Variants in SIGLEC1 observed in about 807,000 individuals in gnomAD.
SIGLEC1 encodes sialoadhesin.
Under a neutral mutation model 148.0 loss-of-function variants are expected in SIGLEC1, and 132 were observed. That is an observed-to-expected ratio of 0.89 (90% CI 0.77 to 1.03). The LOEUF (loss-of-function observed/expected upper bound fraction) is 1.03. SIGLEC1 is among the 50% of genes least tolerant of loss of function. The pLI is 0.00. For synonymous variants in SIGLEC1, 945 were observed against 969.0 expected, an observed-to-expected ratio of 0.98 and a Z score of 0.46; for missense variants, 2,253 against 2,271.4, an observed-to-expected ratio of 0.99 and a Z score of 0.16.
intron 18 of SIGLEC1, among the ~76,000 whole-genome samples, chr20:3,690,481 CTTG>C (rs2088747747): frequency 6.6e-6 from 1 of 152,262 alleles, no homozygotes; most frequent in South Asian, 2.1e-4. Context: ...TTCTGCTCTA[CTTG>C]TTGGAACACA....
intron 10 of SIGLEC1, 65 bp downstream of exon 10, chr20:3,697,020 C>T: frequency 1.3e-6 from 2 of 1,577,322 alleles, no homozygotes; most frequent in Non-Finnish European, 1.7e-6. Context: ...CAGCCCGGCC[C>T]CTGCTTCTCC....
At chr20:3,689,132 G>A (rs754870555) in intron 21 of SIGLEC1, 23 bp downstream of exon 21, 1 of 1,600,068 alleles carries the variant, frequency 6.2e-7, no homozygotes, top group African/African-American at 1.3e-5. Flanking sequence ...TATTATATCT[G>A]CCCGTGTGTG....
At position 3,693,489 on chromosome 20, in the gene SIGLEC1, G is replaced by A. The variant is rs768807544; in HGVS notation, c.3466C>T (p.Arg1156Trp). 5.6e-6 allele frequency: 9 copies of A among 1,603,528 alleles called. No individual in the cohort carries two copies. Among genetic ancestry groups the A allele is most frequent in the East Asian group, 2.2e-5 (1 of 44,760 alleles). The change falls in exon 14 of 22, where the codon CGG (arginine) becomes TGG (tryptophan). Residue 1156 changes from arginine to tryptophan, a missense_variant. Physicochemically the swap from Arg to Trp is moderately radical, Grantham distance 101. Coordinates refer to ENST00000344754, the MANE Select transcript of SIGLEC1 (RefSeq NM_023068.4). ...ATAGGTCTGGAGAGGCGGGGTGCCC[G>A]ACCAGGGGGGCCCACACCGCAGCGG... ...SYRCGVGPPG[R>W]APRLSRPITL...
At chr20:3,704,339 A>G (rs8125300) in intron 4 of SIGLEC1, among the ~76,000 whole-genome samples, 6,600 of 151,964 alleles carry the variant, frequency 0.043, 473 homozygotes, top group African/African-American at 0.15. Flanking sequence ...CGTCCAGCCT[A>G]CCCCACCAGC....
chr20:3,688,966 A>G (rs533957437), intron 21 of SIGLEC1, 189 bp downstream of exon 21: 20 of 626,666 alleles, frequency 3.2e-5, no homozygotes, highest in Admixed American at 1.1e-4. Flanking sequence ...CAGCTGACAC[A>G]GGGATTCCCT....
intron 21 of SIGLEC1, 147 bp downstream of exon 21, chr20:3,689,008 C>A: frequency 1.3e-6 from 1 of 745,172 alleles, no homozygotes; most frequent in Non-Finnish European, 2.4e-6. Flanking sequence ...TCTCCTATCT[C>A]CTGAGGGGCT....
chr20:3,692,484 C>T, intron 16 of SIGLEC1, 37 bp downstream of exon 16: 1 of 1,548,952 alleles, frequency 6.5e-7, no homozygotes, highest in Non-Finnish European at 8.7e-7. Context: ...CCACCACCCT[C>T]CTCCTGGGCA....
rs745748755 is a variant in SIGLEC1, at chr20:3,706,461, T to C, written c.295A>G (p.Asn99Asp). Residue 99 changes from asparagine (N) to aspartate (D), a missense_variant, in exon 3 of 22, where the codon AAC becomes GAC. Coordinates refer to ENST00000344754, the MANE Select transcript of SIGLEC1 (RefSeq NM_023068.4). The part of the protein sequence containing the change: ...FMGNPEHRVC[N>D]LLLKDLQPED... ...GGCTGCAGGTCCTTCAGCAGCAGGT[T>C]GCACACCCTGTGCTCGGGGTTCCCC... 6.2e-7 allele frequency: 1 copy of C among 1,614,044 alleles called. No homozygotes were observed. The highest frequency in any genetic ancestry group is 8.5e-7 in the Non-Finnish European group (1 of 1,180,020).
Position 3,692,965 on chromosome 20 carries a change from G to A in SIGLEC1, c.3675C>T (p.Arg1225=). 6.2e-7 allele frequency: 1 copy of A among 1,612,656 alleles called. No homozygotes were observed. Among genetic ancestry groups the A allele is most frequent in the South Asian group, 1.1e-5 (1 of 91,080 alleles). Residue 1225 remains arginine, a synonymous_variant, in exon 15 of 22, where the codon CGC becomes CGT. Coordinates refer to ENST00000344754, the MANE Select transcript of SIGLEC1 (RefSeq NM_023068.4). ...TGGGCTGTGGCCCTCGCAGCTCCAG[G>A]CGCAGGGTGTTGGGGACAGAGGCTG... The part of the protein sequence containing the change: ...STAASVPNTL[R]LELRGPQPRD...
At position 3,699,235 on chromosome 20, in the gene SIGLEC1, C is replaced by G; in HGVS notation, c.1753G>C (p.Gly585Arg). Residue 585 changes from glycine (G) to arginine (R), a missense_variant, in exon 8 of 22, where the codon GGC becomes CGC. Gly to Arg is a moderately radical substitution (Grantham distance 125, BLOSUM62 -2). Transcript: ENST00000344754. ...CRARDGHSASGPSSPAVLTVL... is the reference protein window; with the variant it reads ...CRARDGHSASRPSSPAVLTVL... ...GTGAGAACAGCTGGCGAAGAGGGGCCACTGGCACTGTGGCCGTCCCGGGCC... is the reference window on the plus strand; with the variant it reads ...GTGAGAACAGCTGGCGAAGAGGGGCGACTGGCACTGTGGCCGTCCCGGGCC... The G allele has an allele frequency of 3.1e-6, 5 of 1,610,650 alleles. No homozygotes were observed.
In SIGLEC1 at chr20:3,703,217, G is replaced by C; in HGVS notation, c.1208C>G (p.Pro403Arg). The C allele has an allele frequency of 6.2e-7, 1 of 1,614,068 alleles. No homozygotes were observed. Among genetic ancestry groups the C allele is most frequent in the Non-Finnish European group, 8.5e-7 (1 of 1,180,000 alleles). ...CTTACGGTTGACTACCACGCTGACAGGGCCCGAGCGCTCGCTGCCATGGAC... is the reference window on the plus strand; with the variant it reads ...CTTACGGTTGACTACCACGCTGACACGGCCCGAGCGCTCGCTGCCATGGAC... ...QNVHGSERSG[P>R]VSVVVNHPPL... The change falls in exon 6 of 22, where the codon CCT (proline) becomes CGT (arginine). Residue 403 changes from proline (P) to arginine (R), a missense_variant. By Grantham distance (103) the Pro-to-Arg change is moderately radical. Transcript: ENST00000344754.
Position 3,697,247 on chromosome 20 carries a change from C to CAGGGCT in SIGLEC1, c.2212_2217dup (p.Ser738_Pro739dup). The stretch of plus-strand genomic sequence containing the variant: ...CCATTTCGGAACCAGGAGAAGTTAG[C>CAGGGCT]AGGGCTGCCAGCAGCTTCCCGGCTC... On this transcript the variant is annotated inframe_insertion, in exon 10 of 22. Transcript: ENST00000344754. The CAGGGCT allele has an allele frequency of 6.2e-7, 1 of 1,614,000 alleles. No individual in the cohort carries two copies. The highest frequency in any genetic ancestry group is 8.5e-7 in the Non-Finnish European group (1 of 1,180,044).
chr20:3,694,360 G>A lies in SIGLEC1; in HGVS notation c.3117C>T (p.Pro1039=). The A allele has an allele frequency of 1.2e-6, 2 of 1,613,270 alleles. No homozygotes were observed. The highest frequency in any genetic ancestry group is 1.7e-6 in the Non-Finnish European group (2 of 1,179,964). Residue 1039 remains proline (P), a synonymous_variant, in exon 13 of 22, where the codon CCC becomes CCT. Transcript: ENST00000344754. ...TGGGGGCCACAGCCACATGCAGCCTGGGAGAGCTGCCTTCGGGTCCCCCCA... is the reference window on the plus strand; with the variant it reads ...TGGGGGCCACAGCCACATGCAGCCTAGGAGAGCTGCCTTCGGGTCCCCCCA... The part of the protein sequence containing the change: ...QGVGGPEGSS[P]RLHVAVAPNT...
At position 3,692,153 on chromosome 20, in the gene SIGLEC1, TCTGGCC is replaced by T. The variant is rs1471034829; in HGVS notation, c.4074_4079del (p.Ala1359_Arg1360del). ...CAGTGCACTGTATCACAGCCATGGA[TCTGGCC>T]CTGGAGTCCCGGAAGGAGGACAGGA... On this transcript the variant is annotated inframe_deletion, in exon 17 of 22. Transcript: ENST00000344754. 7 of 1,586,338 alleles carry T rather than the reference TCTGGCC, an allele frequency of 4.4e-6. No homozygotes were observed. The African/African-American group carries it at 9.4e-5, about 21-fold the overall frequency.
At chr20:3,698,873 G>T (rs2087826487) in intron 8 of SIGLEC1, among the ~76,000 whole-genome samples, 1 of 152,326 alleles carries the variant, frequency 6.6e-6, no homozygotes, top group Middle Eastern at 3.4e-3. Context: ...CACAGCCTGT[G>T]GGGCATGTGC....
chr20:3,691,507 C>T lies in SIGLEC1; in HGVS notation c.4424G>A (p.Gly1475Asp), dbSNP rs749616555. 3.7e-6 allele frequency: 6 copies of T among 1,613,222 alleles called. No individual in the cohort carries two copies. Among genetic ancestry groups the T allele is most frequent in the Non-Finnish European group, 3.4e-6 (4 of 1,180,006 alleles). Residue 1475 changes from glycine to aspartate, a missense_variant, in exon 18 of 22, where the codon GGC becomes GAC. Transcript: ENST00000344754. ...CCAGAACCATGCAAAGGTGGAGTTG[C>T]CCACAGGCCCAGGGCCACCCAGGAG... ...CRLLGGPGPV[G>D]NSTFAWFWND... is the part of the protein sequence containing the mutation.
In SIGLEC1 at chr20:3,696,734, T is replaced by C; in HGVS notation, c.2535A>G (p.Pro845=). Reference sequence around the variant, plus strand: ...CTTTAGCCTGGAACCGACCATGGGATGGGACCTGGGGACCCAGGCTGGTGG... The same window carrying C: ...CTTTAGCCTGGAACCGACCATGGGACGGGACCTGGGGACCCAGGCTGGTGG... The part of the protein sequence containing the change: ...LLATSLGPQV[P]SHGRFQAKAE... The change falls in exon 11 of 22, where the codon CCA becomes CCG. Residue 845 remains proline (P), a synonymous_variant. Coordinates refer to ENST00000344754, the MANE Select transcript of SIGLEC1 (RefSeq NM_023068.4). 1 of 1,613,570 alleles carries C rather than the reference T, an allele frequency of 6.2e-7. No homozygotes were observed. The highest frequency in any genetic ancestry group is 8.5e-7 in the Non-Finnish European group (1 of 1,180,030).
Position 3,705,727 on chromosome 20 carries a change from G to T in SIGLEC1, c.706+17C>A, listed in dbSNP as rs760150748. On this transcript the variant is annotated intron_variant, in intron 4 of 21. Coordinates refer to ENST00000344754, the MANE Select transcript of SIGLEC1 (RefSeq NM_023068.4). The stretch of plus-strand genomic sequence containing the variant: ...CAGATGCGCTCAGCCACAAGGGTGT[G>T]TCCCCAGACAACTCACACTTCACTT... The T allele has an allele frequency of 6.3e-7, 1 of 1,592,744 alleles. No homozygotes were observed. Among genetic ancestry groups the T allele is most frequent in the East Asian group, 2.2e-5 (1 of 44,546 alleles).
Position 3,691,323 on chromosome 20 carries a change from A to AGG in SIGLEC1, c.4591+15_4591+16dup. The AGG allele has an allele frequency of 6.2e-7, 1 of 1,611,910 alleles. No homozygotes were observed. ...AGATGTGGGGAGACTAAGGCGGAGG[A>AGG]GGGGGTTCACACTCACAGAGCACAC... On this transcript the variant is annotated intron_variant, in intron 18 of 21. Transcript: ENST00000344754.
Sources: allele counts gnomAD v4.1 joint callset (sites outside exome capture counted in the v4.1 genomes callset), GRCh38; gene constraint gnomAD v4.1.1; transcripts MANE v1.5; gene names NCBI Gene and HGNC (gene_info 2026-07-23, HGNC 2026-07-21).